The following ABCA13 variants were observed in gnomAD, a reference collection of about 807,000 sequenced individuals.
The protein encoded by ABCA13 is ATP binding cassette subfamily A member 13.
In ABCA13, 476 loss-of-function variants were observed where a neutral mutation model predicts 478.7. The ratio of observed to expected loss-of-function variants is 0.99; its 90% CI spans 0.92 to 1.07. ABCA13 has a LOEUF of 1.07. Ranked by LOEUF, ABCA13 falls within the 50% of genes least tolerant of loss-of-function variation. The probability of loss-of-function intolerance (pLI) is 0.00; values close to 1 mark genes in which losing one functional copy is unlikely to be tolerated. For missense variants in ABCA13, 6,060 were observed against 5,910.6 expected (o/e 1.03, Z -0.83); for synonymous variants, 2,252 against 2,158.9 (o/e 1.04, Z -1.20).
intron 42 of ABCA13, among the ~76,000 whole-genome samples, chr7:48,430,536 A>G (rs775872292): frequency 2.0e-5 from 3 of 152,146 alleles, no homozygotes; most frequent in Non-Finnish European, 1.5e-5. Flanking sequence ...TTAGCTGAGC[A>G]TGGTGGCAGG....
intron 6 of ABCA13, 46 bp downstream of exon 6, chr7:48,227,471 T>A: frequency 6.4e-7 from 1 of 1,569,446 alleles, no homozygotes; most frequent in Non-Finnish European, 8.6e-7. Context: ...ATGTTGTTTT[T>A]TTACCTTATT....
chr7:48,517,853 A>G, intron 52 of ABCA13, among the ~76,000 whole-genome samples: 1 of 152,200 alleles, frequency 6.6e-6, no homozygotes, highest in Non-Finnish European at 1.5e-5. Flanking sequence ...GACCTGGAAA[A>G]GGTACTGAGC....
intron 2 of ABCA13, among the ~76,000 whole-genome samples, chr7:48,193,625 T>A (rs1238325948): frequency 4.0e-5 from 6 of 151,614 alleles, no homozygotes; most frequent in African/African-American, 1.5e-4. Flanking sequence ...ATAGTGATGA[T>A]GATGTAGATA....
In ABCA13 at chr7:48,520,275, G is replaced by A; in HGVS notation, c.14032G>A (p.Asp4678Asn). Residue 4678 changes from aspartate (D) to asparagine (N), a missense_variant, in exon 53 of 62, where the codon GAC becomes AAC. Around this residue, in one of 3 missense-constraint regions of ABCA13, gnomAD observed 1,627 missense variants for 1,571.0 expected, o/e 1.04. Transcript: ENST00000435803. The stretch of plus-strand genomic sequence containing the variant: ...CCTCTTGAGGGTTCTGCTACACTGG[G>A]ACCTTCTGCGATGGCCAAGGTGGGT... ...LLLLRVLLHW[D>N]LLRWPRGHST... The A allele has an allele frequency of 1.2e-6, 2 of 1,611,876 alleles. No individual in the cohort carries two copies. Among genetic ancestry groups the A allele is most frequent in the Non-Finnish European group, 1.7e-6 (2 of 1,178,516 alleles).
chr7:48,191,209 T>C (rs544852530), intron 1 of ABCA13, among the ~76,000 whole-genome samples: 7 of 152,212 alleles, frequency 4.6e-5, no homozygotes, highest in Non-Finnish European at 1.0e-4. Context: ...AGTAGTTATC[T>C]CCTGAGCGTC....
intron 20 of ABCA13, among the ~76,000 whole-genome samples, chr7:48,294,153 A>G (rs1390672983): frequency 6.6e-6 from 1 of 152,130 alleles, no homozygotes. Flanking sequence ...TAAACATACA[A>G]AGTGAAATGA....
Position 48,271,992 on chromosome 7 carries a change from A to C in ABCA13, c.2326A>C (p.Asn776His). 6.2e-7 allele frequency: 1 copy of C among 1,613,638 alleles called. No individual in the cohort carries two copies. Among genetic ancestry groups the C allele is most frequent in the Non-Finnish European group, 8.5e-7 (1 of 1,179,704 alleles). Residue 776 changes from asparagine (N) to histidine (H), a missense_variant, in exon 17 of 62, where the codon AAT (asparagine) becomes CAT (histidine). Asn to His is a moderately conservative substitution (Grantham distance 68, BLOSUM62 1). Transcript: ENST00000435803. ...TCTGAATATAAGTTCTCTGTGGACA[A>C]ATCATTTAAAAAGTTTAAAGAGAGA... ...DILNISSLWT[N>H]HLKSLKRDPS...
At chr7:48,248,105 G>T in intron 13 of ABCA13, 134 bp from the exon 14 acceptor site, 3 of 677,124 alleles carry the variant, frequency 4.4e-6, no homozygotes. Context: ...TAATTACCAT[G>T]CCATAGGGCA....
chr7:48,282,769 A>G (rs1194735906), intron 19 of ABCA13, among the ~76,000 whole-genome samples: 1 of 152,148 alleles, frequency 6.6e-6, no homozygotes, highest in Non-Finnish European at 1.5e-5. Flanking sequence ...CTGGGGTCAC[A>G]TGGCCTTAGC....
rs201779271 is a variant in ABCA13, at chr7:48,313,077, C to T, written c.9527C>T (p.Pro3176Leu). 6 of 1,592,482 alleles carry T rather than the reference C, an allele frequency of 3.8e-6. No individual in the cohort carries two copies. Among genetic ancestry groups the T allele is most frequent in the African/African-American group, 1.4e-5 (1 of 73,946 alleles). ...TGTTTTGTCCTTTAGACTCTGATGC[C>T]TTCTGAAGCAAATGGCTTGCTCAAC... ...VRAFIYKTLM[P>L]SEANGLLNSL... Residue 3176 changes from proline (P) to leucine (L), a missense_variant, in exon 25 of 62, where the codon CCT becomes CTT. Pro to Leu is a moderately conservative substitution (Grantham distance 98). Coordinates refer to ENST00000435803, the MANE Select transcript of ABCA13 (RefSeq NM_152701.5).
intron 1 of ABCA13, among the ~76,000 whole-genome samples, chr7:48,181,055 T>C (rs1452073388): frequency 2.6e-5 from 4 of 152,236 alleles, no homozygotes; most frequent in African/African-American, 4.8e-5. Context: ...TTTAGTTTCG[T>C]TCCATCTGTT....
At chr7:48,287,343 G>A (rs1488689899) in intron 19 of ABCA13, among the ~76,000 whole-genome samples, 1 of 152,190 alleles carries the variant, frequency 6.6e-6, no homozygotes, top group Non-Finnish European at 1.5e-5. Context: ...AGGCAGATTG[G>A]AAGGGTGAGG....
At chr7:48,296,616 T>C (rs1424378672) in intron 21 of ABCA13, among the ~76,000 whole-genome samples, 1 of 151,908 alleles carries the variant, frequency 6.6e-6, no homozygotes, top group Non-Finnish European at 1.5e-5. Context: ...CCCGCCACCA[T>C]GCCCGGCTAA....
In ABCA13 at chr7:48,609,284, C is replaced by T. The variant is rs1013711183; in HGVS notation, c.14745-6001C>T. On this transcript the variant is annotated intron_variant, in intron 58 of 61. Transcript: ENST00000435803. ...CATTGCAATTTCTCTTTTAAATCCT[C>T]CTATTCATTTGGTTTCACATTAAAT... 2.6e-5 allele frequency among the ~76,000 whole-genome samples: 4 copies of T among 152,116 alleles called. No individual in the cohort carries two copies. The South Asian group carries it at 6.2e-4, about 24-fold the overall frequency.
At position 48,245,972 on chromosome 7, in the gene ABCA13, A is replaced by C; in HGVS notation, c.1601A>C (p.Tyr534Ser). 6.2e-7 allele frequency: 1 copy of C among 1,613,826 alleles called. No homozygotes were observed. The highest frequency in any genetic ancestry group is 8.5e-7 in the Non-Finnish European group (1 of 1,179,790). ...IWGGLQGLLC[Y>S]CNSSETSVLN... The stretch of plus-strand genomic sequence containing the variant: ...GGTGGTCTCCAGGGACTGTTGTGCT[A>C]TTGTAACTCCTCTGAGACGAGTGTT... The change falls in exon 13 of 62, where the codon TAT (tyrosine) becomes TCT (serine). Residue 534 changes from tyrosine to serine, a missense_variant. Tyr to Ser is a moderately radical substitution (Grantham distance 144, BLOSUM62 -2). Coordinates refer to ENST00000435803, the MANE Select transcript of ABCA13 (RefSeq NM_152701.5).
intron 34 of ABCA13, 123 bp from the exon 35 acceptor site, chr7:48,376,318 C>A: frequency 1.7e-6 from 2 of 1,203,424 alleles, no homozygotes; most frequent in Non-Finnish European, 2.3e-6. Flanking sequence ...TGATATTGAC[C>A]TTCTTTTTGT....
chr7:48,391,851 C>G, intron 37 of ABCA13, 70 bp from the exon 38 acceptor site: 1 of 1,452,424 alleles, frequency 6.9e-7, no homozygotes, highest in Non-Finnish European at 9.5e-7. Flanking sequence ...CATCCTGGAG[C>G]TGACTGGATT....
intron 59 of ABCA13, among the ~76,000 whole-genome samples, chr7:48,622,503 G>A (rs570221206): frequency 8.6e-5 from 13 of 152,024 alleles, no homozygotes; most frequent in Admixed American, 4.6e-4. Flanking sequence ...GTGTCCTAAC[G>A]CGCAATACTG....
chr7:48,626,705 C>T (rs531126792), intron 59 of ABCA13: 23 of 985,398 alleles, frequency 2.3e-5, no homozygotes, highest in South Asian at 1.4e-4. Flanking sequence ...ACTTTACAGC[C>T]GGCTGATCTG....
Sources: gnomAD v4.1 joint callset for allele counts (sites outside exome capture counted in the v4.1 genomes callset) on GRCh38, gnomAD v4.1.1 for gene constraint, gnomAD v4.1.1 regional missense constraint, MANE v1.5 for transcripts, NCBI Gene and HGNC (gene_info 2026-07-23, HGNC 2026-07-21) for gene names.